Variants in WWC1 observed in about 807,000 individuals in gnomAD.
WWC1 encodes the protein protein KIBRA.
A neutral mutation model predicts 138.4 loss-of-function variants in WWC1; 55 were observed. The observed-to-expected ratio is 0.40, with a 90% CI of 0.32 to 0.50. The LOEUF (loss-of-function observed/expected upper bound fraction) is 0.50, where lower values mean the gene tolerates loss of function less well. Among genes scored for constraint, WWC1 ranks in the 20% least tolerant of loss-of-function variants. The pLI is 0.72. For missense variants in WWC1, 1,226 were observed against 1,420.4 expected (o/e 0.86, Z 2.20); for synonymous variants, 524 against 564.9 (o/e 0.93, Z 1.03).
At chr5:168,322,173 G>A (rs1029950687) in intron 1 of WWC1, among the ~76,000 whole-genome samples, 7 of 152,074 alleles carry the variant, frequency 4.6e-5, no homozygotes, top group African/African-American at 1.7e-4. Context: ...GCAGCTCTTA[G>A]GAGTCACTGT....
At chr5:168,428,574 T>G (rs1781699442) in intron 12 of WWC1, 133 bp from the exon 13 acceptor site, 2 of 819,192 alleles carry the variant, frequency 2.4e-6, no homozygotes, top group East Asian at 2.9e-5. Context: ...TTTTTTTAAT[T>G]AAAATTTAAA....
intron 1 of WWC1, among the ~76,000 whole-genome samples, chr5:168,331,615 G>A (rs1350909513): frequency 6.6e-6 from 1 of 152,216 alleles, no homozygotes; most frequent in Non-Finnish European, 1.5e-5. Context: ...TATCAATGCT[G>A]TTGGCCATTG....
At chr5:168,367,648 C>A (rs975293038) in intron 1 of WWC1, among the ~76,000 whole-genome samples, 1 of 152,028 alleles carries the variant, frequency 6.6e-6, no homozygotes, top group South Asian at 2.1e-4. Context: ...TAGCAGAGCT[C>A]GAGTTTTGGA....
chr5:168,428,176 T>C (rs376007961), intron 12 of WWC1, 35 bp downstream of exon 12: 244 of 1,590,418 alleles, frequency 1.5e-4, no homozygotes, highest in Non-Finnish European at 1.9e-4. Flanking sequence ...TCTGTGGCCC[T>C]GTAAGCCATG....
chr5:168,403,049 T>TCTTC (rs1779468149), intron 5 of WWC1, among the ~76,000 whole-genome samples: 1 of 135,102 alleles, frequency 7.4e-6, no homozygotes, highest in Non-Finnish European at 1.6e-5. Context: ...TTTCTTTCTT[T>TCTTC]CTTTCTTTCT....
At chr5:168,434,933 A>T (rs1782239868) in intron 15 of WWC1, among the ~76,000 whole-genome samples, 1 of 152,086 alleles carries the variant, frequency 6.6e-6, no homozygotes, top group Non-Finnish European at 1.5e-5. Flanking sequence ...ACTTTGGCAT[A>T]CTAACTTGGC....
intron 15 of WWC1, among the ~76,000 whole-genome samples, chr5:168,439,227 A>G (rs1754528314): frequency 6.6e-6 from 1 of 152,180 alleles, no homozygotes; most frequent in South Asian, 2.1e-4. Context: ...CTGCATCAGT[A>G]AAAAGAGATC....
intron 2 of WWC1, among the ~76,000 whole-genome samples, chr5:168,384,623 C>G (rs1777895475): frequency 6.6e-6 from 1 of 152,034 alleles, no homozygotes; most frequent in South Asian, 2.1e-4. Flanking sequence ...GTCCTTGAGC[C>G]TCTCTGTCTA....
At chr5:168,375,044 C>G (rs1777062240) in intron 2 of WWC1, among the ~76,000 whole-genome samples, 1 of 152,152 alleles carries the variant, frequency 6.6e-6, no homozygotes, top group Non-Finnish European at 1.5e-5. Flanking sequence ...TTGGACATGT[C>G]AAGACTTACA....
At chr5:168,377,444 C>G (rs192810439) in intron 2 of WWC1, among the ~76,000 whole-genome samples, 2 of 152,216 alleles carry the variant, frequency 1.3e-5, no homozygotes, top group Non-Finnish European at 2.9e-5. Flanking sequence ...CCTAATTAAA[C>G]TAAAGAGCTT....
At chr5:168,413,158 C>T (rs2152842663) in intron 8 of WWC1, among the ~76,000 whole-genome samples, 1 of 152,262 alleles carries the variant, frequency 6.6e-6, no homozygotes, top group Middle Eastern at 3.4e-3. Context: ...GTGTTGGCCA[C>T]GTTTATGATT....
chr5:168,323,259 A>G (rs779239643), intron 1 of WWC1, among the ~76,000 whole-genome samples: 16 of 152,184 alleles, frequency 1.1e-4, no homozygotes, highest in Non-Finnish European at 5.9e-5. Flanking sequence ...AAAGTATTCA[A>G]GTGAGGCTGG....
intron 1 of WWC1, among the ~76,000 whole-genome samples, chr5:168,349,549 A>G (rs1402986975): frequency 2.0e-5 from 3 of 151,920 alleles, no homozygotes; most frequent in East Asian, 3.9e-4. Context: ...ACCTTCTCAT[A>G]TTTACTGAGC....
chr5:168,302,886 C>T (rs1770223193), intron 1 of WWC1, among the ~76,000 whole-genome samples: 1 of 152,178 alleles, frequency 6.6e-6, no homozygotes, highest in Admixed American at 6.5e-5. Flanking sequence ...CTTTCAAATG[C>T]AGTGTTTGTC....
rs1478504607 is a variant in WWC1 at position 168,468,086 on chromosome 5, G to A, written c.3275+122G>A. The stretch of plus-strand genomic sequence containing the variant: ...CAGAGCACTGGCTTTCCCTGTAACA[G>A]ATGTTCATCCTCCGCCAAGCCATCC... On this transcript the variant is annotated intron_variant, in intron 22 of 22. Transcript: ENST00000265293. 9 of 1,488,294 alleles carry A rather than the reference G, an allele frequency of 6.0e-6. No homozygotes were observed. In the East Asian group the frequency reaches 1.8e-4, roughly 30 times the overall value. The allele number at this position is 1,488,294 out of a possible 1,614,324, so 92.2% of individuals were successfully genotyped here. A position where few individuals can be genotyped will look rare whatever the true frequency, so the allele number is the denominator to read the frequency against.
intron 3 of WWC1, among the ~76,000 whole-genome samples, chr5:168,389,277 T>C (rs1427941030): frequency 6.6e-6 from 1 of 151,562 alleles, no homozygotes; most frequent in Non-Finnish European, 1.5e-5. Flanking sequence ...TGAAACCCTG[T>C]CTCTATGAAA....
intron 1 of WWC1, among the ~76,000 whole-genome samples, chr5:168,313,086 G>A (rs1771262971): frequency 6.6e-6 from 1 of 152,014 alleles, no homozygotes; most frequent in Admixed American, 6.6e-5. Context: ...AGGATTACAG[G>A]CATGAGCCAC....
intron 15 of WWC1, among the ~76,000 whole-genome samples, chr5:168,440,515 T>TG (rs200045585): frequency 2.2e-5 from 3 of 138,962 alleles, no homozygotes; most frequent in Non-Finnish European, 1.5e-5. Context: ...TTGTTGTTGT[T>TG]TTGTTTTGTT....
intron 2 of WWC1, among the ~76,000 whole-genome samples, chr5:168,379,527 G>A (rs13165235): frequency 0.097 from 14,808 of 152,154 alleles, 818 homozygotes; most frequent in Non-Finnish European, 0.11. Context: ...AGTCTCCTGA[G>A]TAGCTGGGAT....
Sources: allele counts gnomAD v4.1 joint callset (sites outside exome capture counted in the v4.1 genomes callset), GRCh38; gene constraint gnomAD v4.1.1; transcripts MANE v1.5; gene names NCBI Gene and HGNC (gene_info 2026-07-23, HGNC 2026-07-21).